Variants in GTF3C1 observed in about 807,000 individuals in gnomAD.
GTF3C1 encodes general transcription factor IIIC subunit 1.
A neutral mutation model predicts 226.7 loss-of-function variants in GTF3C1; 57 were observed. That is an observed-to-expected ratio of 0.25 (90% confidence interval 0.20 to 0.31). The LOEUF is 0.31. Ranked by LOEUF, GTF3C1 falls within the 10% of genes least tolerant of loss-of-function variation. GTF3C1 has a pLI of 1.00. For synonymous variants in GTF3C1, 1,090 were observed against 1,084.8 expected, an observed-to-expected ratio of 1.00 and a Z score of -0.09; for missense variants, 2,217 against 2,776.1, an observed-to-expected ratio of 0.80 and a Z score of 4.53.
At chr16:27,539,004 CTTTTTTTT>C (rs899984965) in intron 2 of GTF3C1, among the ~76,000 whole-genome samples, 3 of 103,898 alleles carry the variant, frequency 2.9e-5, no homozygotes, top group African/African-American at 1.1e-4. Context: ...ACACACTCAT[CTTTTTTTT>C]TTTTTTTTTT....
chr16:27,498,866 G>T (rs376337273), intron 12 of GTF3C1, 133 bp from the exon 13 acceptor site: 11 of 646,454 alleles, frequency 1.7e-5, no homozygotes, highest in Non-Finnish European at 2.8e-6. Flanking sequence ...TTAGGAGATC[G>T]AAACAAAATT....
Position 27,495,329 on chromosome 16 carries a change from C to T in GTF3C1, c.2514G>A (p.Arg838=), listed in dbSNP as rs759807639. Residue 838 remains arginine, a synonymous_variant, in exon 15 of 37, where the codon AGG becomes AGA. Coordinates refer to ENST00000356183, the MANE Select transcript of GTF3C1 (RefSeq NM_001520.4). ...CAGAGGAGGACGGCCGGACGCCTGC[C>T]CTGCCTGACTCCTGCTTTATCGTTC... ...ERRTIKQESG[R]AGVRPSSSGS... is the part of the protein sequence containing the mutation. The T allele has an allele frequency of 2.5e-6, 4 of 1,614,056 alleles. No homozygotes were observed. The highest frequency in any genetic ancestry group is 3.3e-4 in the Middle Eastern group (2 of 6,062).
Position 27,469,254 on chromosome 16 carries a change from G to A in GTF3C1, c.5074+37C>T. 2 of 1,528,156 alleles carry A rather than the reference G, an allele frequency of 1.3e-6. No homozygotes were observed. Among genetic ancestry groups the A allele is most frequent in the Admixed American group, 2.0e-5 (1 of 50,168 alleles). The allele number at this position is 1,528,156 out of a possible 1,614,324, so 94.7% of individuals were successfully genotyped here. A position where few individuals can be genotyped will look rare whatever the true frequency, so the allele number is the denominator to read the frequency against. ...TCAGGGTCTTCCTGGATGATGGCGA[G>A]GCCAGGCCCTCCCACAGCACCAGCA... On this transcript the variant is annotated intron_variant, in intron 32 of 36. Transcript: ENST00000356183. This position sits in a 1 kb window ranked among gnomAD's most constrained non-coding sequence, Gnocchi z 4.5.
At chr16:27,518,342 T>C (rs915728263) in intron 6 of GTF3C1, among the ~76,000 whole-genome samples, 1 of 152,370 alleles carries the variant, frequency 6.6e-6, no homozygotes, top group Middle Eastern at 3.4e-3. Context: ...TGTCTGGTGT[T>C]AGCTTGCCTC....
At position 27,461,983 on chromosome 16, in the gene GTF3C1, A is replaced by T; in HGVS notation, c.6117+311T>A. The T allele has an allele frequency of 2.5e-6, 1 of 400,968 alleles. No homozygotes were observed. The highest frequency in any genetic ancestry group is 4.0e-5 in the East Asian group (1 of 25,050). 24.8% of individuals were successfully genotyped at this position (400,968 alleles called of 1,614,324 possible). On this transcript the variant is annotated intron_variant, in intron 36 of 36. Coordinates refer to ENST00000356183, the MANE Select transcript of GTF3C1 (RefSeq NM_001520.4). The surrounding 1 kb of genome is among the most constrained non-coding windows in gnomAD (Gnocchi z 5.3). ...CATGGGAGTCAGCCAAGCAGGAAGCAGCTGCACCAGGGGGCAGCTGCTTGA... is the reference window on the plus strand; with the variant it reads ...CATGGGAGTCAGCCAAGCAGGAAGCTGCTGCACCAGGGGGCAGCTGCTTGA...
rs1567402342 is a variant in GTF3C1 at position 27,506,091 on chromosome 16, G to A, written c.1578C>T (p.His526=). 6.2e-7 allele frequency: 1 copy of A among 1,611,858 alleles called. No homozygotes were observed. The highest frequency in any genetic ancestry group is 1.3e-5 in the African/African-American group (1 of 74,968). Reference sequence around the variant, plus strand: ...AGGAGGGCGGCTGCTTTTTCAATGGGTGTAGGTTTACAACTTTCCACCCAC... The same window carrying A: ...AGGAGGGCGGCTGCTTTTTCAATGGATGTAGGTTTACAACTTTCCACCCAC... ...TKGGWKVVNL[H]PLKKQPPSFP... The change falls in exon 10 of 37, where the codon CAC becomes CAT. Residue 526 remains histidine (H), a synonymous_variant. Transcript: ENST00000356183.
In GTF3C1 at chr16:27,471,742, A is replaced by G; in HGVS notation, c.4526+6T>C. On this transcript the variant is annotated splice_donor_region_variant and intron_variant, in intron 30 of 36. Transcript: ENST00000356183. This position sits in a 1 kb window ranked among gnomAD's most constrained non-coding sequence, Gnocchi z 5.0. ...GGAGTACCCAAGGCTCCTGACAGGTACTCACCTGTAGTAGGTCTGGGATAG... is the reference window on the plus strand; with the variant it reads ...GGAGTACCCAAGGCTCCTGACAGGTGCTCACCTGTAGTAGGTCTGGGATAG... The G allele has an allele frequency of 6.2e-7, 1 of 1,604,106 alleles. No individual in the cohort carries two copies. The highest frequency in any genetic ancestry group is 8.5e-7 in the Non-Finnish European group (1 of 1,170,964).
At position 27,511,736 on chromosome 16, in the gene GTF3C1, G is replaced by C; in HGVS notation, c.1126+13C>G. ...GGGATCCATATCCAAGCTGGCATGG[G>C]AACAAGACTTACTGAGGTCGTAGGT... On this transcript the variant is annotated intron_variant, in intron 7 of 36. Coordinates refer to ENST00000356183, the MANE Select transcript of GTF3C1 (RefSeq NM_001520.4). The C allele has an allele frequency of 6.2e-7, 1 of 1,613,480 alleles. No individual in the cohort carries two copies. Among genetic ancestry groups the C allele is most frequent in the South Asian group, 1.1e-5 (1 of 90,998 alleles).
chr16:27,500,200 G>A (rs957371178), intron 12 of GTF3C1, among the ~76,000 whole-genome samples: 2 of 152,112 alleles, frequency 1.3e-5, no homozygotes, highest in African/African-American at 4.8e-5. Flanking sequence ...TGCTACTACT[G>A]GGCTGCAGTT....
intron 34 of GTF3C1, 80 bp downstream of exon 34, chr16:27,464,239 GA>G (rs2087747567): frequency 8.3e-6 from 7 of 842,450 alleles, no homozygotes. Context: ...ATCCTCGGAG[GA>G]AGGTGTGAGG....
At position 27,492,212 on chromosome 16, in the gene GTF3C1, C is replaced by A; in HGVS notation, c.3151+126G>T. On this transcript the variant is annotated intron_variant, in intron 19 of 36. Transcript: ENST00000356183. This position sits in a 1 kb window ranked among gnomAD's most constrained non-coding sequence, Gnocchi z 5.0. ...AGGGAGCCCCAGGGGTGCTCTGGGC[C>A]TCTGGGGAGCACTCGGAACATACCA... 1.6e-6 allele frequency: 1 copy of A among 644,396 alleles called. No homozygotes were observed. The highest frequency in any genetic ancestry group is 2.7e-6 in the Non-Finnish European group (1 of 364,262). The allele number at this position is 644,396 out of a possible 1,614,324, so 39.9% of individuals were successfully genotyped here.
intron 6 of GTF3C1, among the ~76,000 whole-genome samples, chr16:27,513,010 A>C (rs1043360049): frequency 3.9e-5 from 6 of 152,244 alleles, no homozygotes; most frequent in Non-Finnish European, 8.8e-5. Context: ...AAAACATGTG[A>C]ACATGTTGCC....
intron 6 of GTF3C1, among the ~76,000 whole-genome samples, chr16:27,517,661 T>C (rs1387287557): frequency 1.3e-5 from 2 of 152,198 alleles, no homozygotes; most frequent in Admixed American, 6.5e-5. Flanking sequence ...GGATCCAAGA[T>C]GGACTTCATT....
At chr16:27,542,623 TAGA>T (rs1376771370) in intron 2 of GTF3C1, among the ~76,000 whole-genome samples, 2 of 151,444 alleles carry the variant, frequency 1.3e-5, no homozygotes, top group Non-Finnish European at 2.9e-5. Flanking sequence ...TGAGGACTAG[TAGA>T]AGGTGTTTGG....
At chr16:27,526,353 AGCCC>A (rs2088834410) in intron 6 of GTF3C1, among the ~76,000 whole-genome samples, 1 of 152,200 alleles carries the variant, frequency 6.6e-6, no homozygotes, top group African/African-American at 2.4e-5. Context: ...ACTGTCACAG[AGCCC>A]TCATTTTTGG....
At chr16:27,504,737 G>A (rs988129329) in intron 10 of GTF3C1, among the ~76,000 whole-genome samples, 10 of 151,748 alleles carry the variant, frequency 6.6e-5, no homozygotes, top group Non-Finnish European at 1.2e-4. Flanking sequence ...GCAACATGAT[G>A]AAACCATCTC....
At chr16:27,542,795 G>C (rs566344964) in intron 2 of GTF3C1, among the ~76,000 whole-genome samples, 6 of 152,148 alleles carry the variant, frequency 3.9e-5, no homozygotes, top group African/African-American at 7.2e-5. Context: ...ACTGTCCCTC[G>C]GACCTTCCAC....
chr16:27,501,405 C>G, intron 11 of GTF3C1, 61 bp from the exon 12 acceptor site: 1 of 1,482,284 alleles, frequency 6.7e-7, no homozygotes. Flanking sequence ...CCTTCCTCAA[C>G]CCAGGCAACA....
At chr16:27,487,800 TA>T (rs1240538031) in intron 23 of GTF3C1, among the ~76,000 whole-genome samples, 2 of 152,082 alleles carry the variant, frequency 1.3e-5, no homozygotes, top group East Asian at 3.9e-4. Flanking sequence ...CGCAAAAAAA[TA>T]AAAATTAAAA....
Sources: allele counts gnomAD v4.1 joint callset (sites outside exome capture counted in the v4.1 genomes callset), GRCh38; gene constraint gnomAD v4.1.1; non-coding constraint Gnocchi (gnomAD v3.1); transcripts MANE v1.5; gene names NCBI Gene and HGNC (gene_info 2026-07-23, HGNC 2026-07-21).